COMMD5: variants seen among roughly 807,000 people sequenced by gnomAD.
COMMD5 encodes the protein COMM domain containing 5.
Under a neutral mutation model 6.9 loss-of-function variants are expected in COMMD5, and 10 were observed. The ratio of observed to expected loss-of-function variants is 1.44; its 90% CI spans 0.89 to 2.45. The LOEUF (loss-of-function observed/expected upper bound fraction) is 2.45, where lower values mean the gene tolerates loss of function less well. Ranked by LOEUF, COMMD5 falls within the 30% of genes most tolerant of loss-of-function variation. The pLI, the probability that COMMD5 is intolerant of heterozygous loss-of-function variation, is 0.00. For synonymous variants in COMMD5, 127 were observed against 125.3 expected (o/e 1.01, Z -0.09); for missense variants, 234 against 287.8 (o/e 0.81, Z 1.35).
At chr8:144,843,068 G>A (rs1020114581) in intron 1 of COMMD5, 3 of 1,613,940 alleles carry the variant, frequency 1.9e-6, no homozygotes, top group African/African-American at 2.7e-5. Context: ...ATACACCAGA[G>A]AATTCACACC....
chr8:144,839,047 C>A (rs1291156692), downstream of COMMD5, among the ~76,000 whole-genome samples: 1 of 125,510 alleles, frequency 8.0e-6, no homozygotes, highest in Non-Finnish European at 1.7e-5. Flanking sequence ...GGGCTGTGAC[C>A]TTACTTCCAT....
chr8:144,839,636 A>C (rs957641171), downstream of COMMD5, among the ~76,000 whole-genome samples: 2 of 152,274 alleles, frequency 1.3e-5, no homozygotes, highest in Non-Finnish European at 2.9e-5. Context: ...TGATGGACCC[A>C]GCACTTGCTC....
At chr8:144,843,923 AGAAC>A (rs1320571751) in intron 1 of COMMD5, among the ~76,000 whole-genome samples, 1 of 152,194 alleles carries the variant, frequency 6.6e-6, no homozygotes, top group Admixed American at 6.5e-5. Flanking sequence ...TCCTTGTCTT[AGAAC>A]TTAACCCAGC....
Position 144,850,482 on chromosome 8 carries a change from G to T in COMMD5, c.*182C>A. The stretch of plus-strand genomic sequence containing the variant: ...TTTTTAGCTGCTTTACTTCCAAAAA[G>T]AAAAAAAGGCATAGCTCTCTTTTTC... On this transcript the variant is annotated 3_prime_UTR_variant, in exon 2 of 2. Coordinates refer to ENST00000305103, the MANE Select transcript of COMMD5 (RefSeq NM_014066.4). The surrounding 1 kb of genome is among the most constrained non-coding windows in gnomAD (Gnocchi z 4.0). 1.4e-6 allele frequency: 1 copy of T among 707,778 alleles called. No individual in the cohort carries two copies. Among genetic ancestry groups the T allele is most frequent in the South Asian group, 2.2e-5 (1 of 46,296 alleles). The allele number at this position is 707,778 out of a possible 1,614,324, so 43.8% of individuals were successfully genotyped here.
At chr8:144,848,547 C>T (rs1482074016), downstream of COMMD5, among the ~76,000 whole-genome samples, 7 of 151,938 alleles carry the variant, frequency 4.6e-5, no homozygotes, top group Admixed American at 2.6e-4. Flanking sequence ...CATTTGTTTA[C>T]GTATTGTGTG....
downstream of COMMD5, among the ~76,000 whole-genome samples, chr8:144,848,239 G>C (rs1449823460): frequency 6.6e-6 from 1 of 151,982 alleles, no homozygotes; most frequent in Non-Finnish European, 1.5e-5. Flanking sequence ...CCAGGAGGTT[G>C]AGGCTACAGT....
At chr8:144,845,876 C>G (rs1735173), downstream of COMMD5, 476,763 of 1,161,366 alleles carry the variant, frequency 0.41, 102,140 homozygotes, top group African/African-American at 0.67. Flanking sequence ...CCCTGCCTTG[C>G]GTCACGTGGC....
chr8:144,850,517 G>A lies in COMMD5; in HGVS notation c.*147C>T. 1 of 873,432 alleles carries A rather than the reference G, an allele frequency of 1.1e-6. No individual in the cohort carries two copies. The highest frequency in any genetic ancestry group is 1.7e-6 in the Non-Finnish European group (1 of 585,862). 54.1% of individuals were successfully genotyped at this position (873,432 alleles called of 1,614,324 possible). A position where few individuals can be genotyped will look rare whatever the true frequency, so the allele number is the denominator to read the frequency against. On this transcript the variant is annotated 3_prime_UTR_variant, in exon 2 of 2. Transcript: ENST00000305103. The surrounding 1 kb of genome is among the most constrained non-coding windows in gnomAD (Gnocchi z 4.0). Reference sequence around the variant, plus strand: ...CATAGCTCTCTTTTTCAATTAAACAGAAAACTACATAATTACGTTCAAACA... The same window carrying A: ...CATAGCTCTCTTTTTCAATTAAACAAAAAACTACATAATTACGTTCAAACA...
downstream of COMMD5, chr8:144,838,485 G>A: frequency 3.9e-6 from 1 of 259,238 alleles, no homozygotes; most frequent in Non-Finnish European, 7.3e-6. Context: ...AGGGAGATGG[G>A]TCTGCGTGCA....
downstream of COMMD5, chr8:144,838,200 C>A: frequency 1.4e-6 from 1 of 698,558 alleles, no homozygotes; most frequent in South Asian, 1.5e-5. Flanking sequence ...CTTCTCCCTG[C>A]GTGTCTGTGT....
At chr8:144,848,498 CA>C (rs59849814), downstream of COMMD5, among the ~76,000 whole-genome samples, 207 of 139,258 alleles carry the variant, frequency 1.5e-3, no homozygotes, top group Non-Finnish European at 2.1e-3. Context: ...ACTCCCGTCT[CA>C]AAAAAAAAAA....
chr8:144,850,477 A>G lies in COMMD5; in HGVS notation c.*187T>C, dbSNP rs975793563. ...ACATGTTTTTAGCTGCTTTACTTCC[A>G]AAAAGAAAAAAAGGCATAGCTCTCT... On this transcript the variant is annotated 3_prime_UTR_variant, in exon 2 of 2. Coordinates refer to ENST00000305103, the MANE Select transcript of COMMD5 (RefSeq NM_014066.4). The surrounding 1 kb of genome is among the most constrained non-coding windows in gnomAD (Gnocchi z 4.0). 1.0e-5 allele frequency: 7 copies of G among 690,674 alleles called. No individual in the cohort carries two copies. Among genetic ancestry groups the G allele is most frequent in the African/African-American group, 1.8e-5 (1 of 55,592 alleles). The allele number at this position is 690,674 out of a possible 1,614,324, so 42.8% of individuals were successfully genotyped here.
chr8:144,848,850 C>T (rs1260262057), downstream of COMMD5, among the ~76,000 whole-genome samples: 3 of 152,202 alleles, frequency 2.0e-5, no homozygotes, highest in African/African-American at 4.8e-5. Context: ...CCCCTATACT[C>T]GGGCAGTGCC....
intron 1 of COMMD5, chr8:144,842,867 G>A (rs768258844): frequency 3.7e-6 from 6 of 1,614,216 alleles, no homozygotes; most frequent in Non-Finnish European, 5.1e-6. Context: ...AGTGAGTGTG[G>A]AAAAGCCTTC....
chr8:144,839,440 G>C (rs1335827795), downstream of COMMD5, among the ~76,000 whole-genome samples: 1 of 152,256 alleles, frequency 6.6e-6, no homozygotes, highest in Non-Finnish European at 1.5e-5. Context: ...AGGTGGCCCA[G>C]TTAAAACCCA....
intron 1 of COMMD5, chr8:144,842,954 T>C (rs1830147758): frequency 3.5e-5 from 57 of 1,614,196 alleles, no homozygotes; most frequent in Non-Finnish European, 4.7e-5. Flanking sequence ...GGGAATGCCC[T>C]GGAAGGGTCC....
downstream of COMMD5, chr8:144,838,158 C>T: frequency 1.4e-6 from 1 of 702,920 alleles, no homozygotes; most frequent in Non-Finnish European, 2.6e-6. Context: ...ATGCGTCCCT[C>T]ACTCTGATCT....
In COMMD5 at chr8:144,850,386, C is replaced by T. The variant is rs1051551959; in HGVS notation, c.*278G>A. On this transcript the variant is annotated 3_prime_UTR_variant, in exon 2 of 2. Transcript: ENST00000305103. This position sits in a 1 kb window ranked among gnomAD's most constrained non-coding sequence, Gnocchi z 4.0. ...GCCTCAACCTGGCCTCACATGGCCA[C>T]GTCCAGCACCAAAGACAAATGTACA... 3.1e-5 allele frequency: 12 copies of T among 381,862 alleles called. No homozygotes were observed. The highest frequency in any genetic ancestry group is 5.2e-5 in the Non-Finnish European group (11 of 211,004). The allele number at this position is 381,862 out of a possible 1,614,324, so 23.7% of individuals were successfully genotyped here.
At chr8:144,842,342 C>T in intron 1 of COMMD5, 2 of 1,614,008 alleles carry the variant, frequency 1.2e-6, no homozygotes, top group South Asian at 1.1e-5. Context: ...GTAGAGAAAC[C>T]ATTTAAGTGT....
Sources: allele counts gnomAD v4.1 joint callset (sites outside exome capture counted in the v4.1 genomes callset), GRCh38; gene constraint gnomAD v4.1.1; non-coding constraint Gnocchi (gnomAD v3.1); transcripts MANE v1.5; gene names NCBI Gene and HGNC (gene_info 2026-07-23, HGNC 2026-07-21).